Variants in SULT2B1 observed in about 807,000 individuals in gnomAD.
SULT2B1 encodes sulfotransferase family 2B member 1.
In SULT2B1, 16 loss-of-function variants were observed where a neutral mutation model predicts 33.2. The ratio of observed to expected loss-of-function variants is 0.48; its 90% CI spans 0.33 to 0.73. SULT2B1 has a LOEUF of 0.73. SULT2B1 is among the 30% of genes least tolerant of loss of function. SULT2B1 has a pLI of 0.02. For synonymous variants in SULT2B1, 186 were observed against 200.5 expected (o/e 0.93, Z 0.61); for missense variants, 500 against 506.0 (o/e 0.99, Z 0.11).
intron 6 of SULT2B1, among the ~76,000 whole-genome samples, chr19:48,598,493 G>A (rs1973752528): frequency 1.3e-5 from 2 of 152,120 alleles, no homozygotes; most frequent in Non-Finnish European, 2.9e-5. Context: ...TCGGGAGGCT[G>A]AGGCAGGAGA....
chr19:48,560,115 G>A (rs1973157394), intron 1 of SULT2B1, among the ~76,000 whole-genome samples: 2 of 152,268 alleles, frequency 1.3e-5, no homozygotes, highest in South Asian at 2.1e-4. Context: ...AATGACCGGG[G>A]AAGGGCCTGA....
chr19:48,575,462 A>AG (rs1323993844), intron 1 of SULT2B1: 1 of 54,370 alleles, frequency 1.8e-5, no homozygotes, highest in South Asian at 6.1e-4. Flanking sequence ...TTAAAATTAA[A>AG]AATATATATA....
chr19:48,585,377 G>A (rs374950574), intron 2 of SULT2B1, among the ~76,000 whole-genome samples: 2 of 151,854 alleles, frequency 1.3e-5, no homozygotes, highest in East Asian at 3.9e-4. Context: ...AAATAAAGAG[G>A]TGAACCTCAG....
chr19:48,599,188 G>A lies in SULT2B1; in HGVS notation c.880G>A (p.Asp294Asn), dbSNP rs201648343. 6.9e-6 allele frequency: 11 copies of A among 1,602,694 alleles called. No homozygotes were observed. In the South Asian group the frequency reaches 7.8e-5, roughly 11 times the overall value. Residue 294 changes from aspartate to asparagine, a missense_variant, in exon 7 of 7, where the codon GAT becomes AAT. Coordinates refer to ENST00000201586, the MANE Select transcript of SULT2B1 (RefSeq NM_177973.2). The surrounding 1 kb of genome is among the most constrained non-coding windows in gnomAD (Gnocchi z 4.1). ...HFTVAQSEAF[D>N]RAYRKQMRGM... Reference sequence around the variant, plus strand: ...CACGGTGGCCCAGAGCGAAGCCTTCGATCGTGCCTACCGCAAGCAGATGCG... The same window carrying A: ...CACGGTGGCCCAGAGCGAAGCCTTCAATCGTGCCTACCGCAAGCAGATGCG...
At chr19:48,571,269 A>G (rs1045779306) in intron 1 of SULT2B1, among the ~76,000 whole-genome samples, 13 of 150,778 alleles carry the variant, frequency 8.6e-5, no homozygotes, top group African/African-American at 2.9e-4. Flanking sequence ...TGATCTCAGG[A>G]CACTGCAACC....
intron 3 of SULT2B1, among the ~76,000 whole-genome samples, chr19:48,588,748 G>A (rs1973602533): frequency 6.6e-6 from 1 of 151,986 alleles, no homozygotes; most frequent in Non-Finnish European, 1.5e-5. Flanking sequence ...GGCCCCCAGT[G>A]AGTAAAAACC....
chr19:48,592,155 T>C (rs1026796395), intron 4 of SULT2B1, among the ~76,000 whole-genome samples: 2 of 151,748 alleles, frequency 1.3e-5, no homozygotes, highest in African/African-American at 4.8e-5. Flanking sequence ...TAGCCGGGTG[T>C]GGTGGCGGTG....
chr19:48,579,613 T>C (rs7259869), intron 2 of SULT2B1, among the ~76,000 whole-genome samples: 3 of 51,508 alleles, frequency 5.8e-5, no homozygotes, highest in Non-Finnish European at 9.5e-5. Flanking sequence ...TTCTTTTTTT[T>C]TTTTTTTTTT....
intron 1 of SULT2B1, among the ~76,000 whole-genome samples, chr19:48,565,708 TAGA>T (rs1973235511): frequency 6.6e-6 from 1 of 152,010 alleles, no homozygotes; most frequent in Non-Finnish European, 1.5e-5. Flanking sequence ...TTTGTTTTAA[TAGA>T]AGTTTACCTA....
At chr19:48,565,994 C>A (rs1041833364) in intron 1 of SULT2B1, among the ~76,000 whole-genome samples, 1 of 151,388 alleles carries the variant, frequency 6.6e-6, no homozygotes, top group Non-Finnish European at 1.5e-5. Flanking sequence ...CTCACTGCAA[C>A]CTCCGCCTCC....
rs1378827891 is a variant in SULT2B1 at position 48,592,723 on chromosome 19, G to A, written c.552G>A (p.Val184=). Residue 184 remains valine (V), a splice_region_variant and synonymous_variant, in exon 5 of 7, where the codon GTG becomes GTA. Coordinates refer to ENST00000201586, the MANE Select transcript of SULT2B1 (RefSeq NM_177973.2). The stretch of plus-strand genomic sequence containing the variant: ...CCCCACTTGTCCCTCTGCCCACAGT[G>A]CAGTTTGGCTCCTGGTTCGACCACA... The part of the protein sequence containing the change: ...QFLRDFLKGE[V]QFGSWFDHIK... 2 of 1,591,352 alleles carry A rather than the reference G, an allele frequency of 1.3e-6. No homozygotes were observed. Among genetic ancestry groups the A allele is most frequent in the African/African-American group, 1.3e-5 (1 of 74,644 alleles).
intron 1 of SULT2B1, among the ~76,000 whole-genome samples, chr19:48,559,474 G>A (rs1211643404): frequency 1.3e-5 from 2 of 152,140 alleles, no homozygotes; most frequent in Non-Finnish European, 2.9e-5. Context: ...GGGTTCAAGC[G>A]ATTCTCCTGC....
At position 48,599,214 on chromosome 19, in the gene SULT2B1, G is replaced by T. The variant is rs1285706199; in HGVS notation, c.906G>T (p.Arg302=). The part of the protein sequence containing the change: ...AFDRAYRKQM[R]GMPTFPWDED... ...ATCGTGCCTACCGCAAGCAGATGCG[G>T]GGGATGCCGACCTTCCCCTGGGATG... Residue 302 remains arginine, a synonymous_variant, in exon 7 of 7, where the codon CGG becomes CGT. Coordinates refer to ENST00000201586, the MANE Select transcript of SULT2B1 (RefSeq NM_177973.2). The surrounding 1 kb of genome is among the most constrained non-coding windows in gnomAD (Gnocchi z 4.1). 1.2e-6 allele frequency: 2 copies of T among 1,607,062 alleles called. No homozygotes were observed. Among genetic ancestry groups the T allele is most frequent in the Admixed American group, 1.7e-5 (1 of 59,422 alleles).
chr19:48,594,177 C>T lies in SULT2B1; in HGVS notation c.645+1361C>T, dbSNP rs543717328. The stretch of plus-strand genomic sequence containing the variant: ...TCGGGAGGCTGAGGCAGGAGAATCG[C>T]TTGAACCTGGGAGCTGGAGGTTGCG... On this transcript the variant is annotated intron_variant, in intron 5 of 6. Transcript: ENST00000201586. 2.1e-3 allele frequency among the ~76,000 whole-genome samples: 326 copies of T among 152,114 alleles called. 2 individuals carry two copies. The highest frequency in any genetic ancestry group is 7.3e-3 in the African/African-American group (305 of 41,538).
intron 1 of SULT2B1, 63 bp from the exon 2 acceptor site, chr19:48,575,878 C>A: frequency 1.9e-6 from 3 of 1,565,688 alleles, no homozygotes; most frequent in Non-Finnish European, 2.6e-6. Context: ...GTGTCGCCAC[C>A]CTGAGAACTC....
chr19:48,554,613 GC>G (rs370283433), intron 1 of SULT2B1, among the ~76,000 whole-genome samples: 2 of 17,364 alleles, frequency 1.2e-4, no homozygotes, highest in East Asian at 1.6e-3. Flanking sequence ...CACCCACCCC[GC>G]CCCCCCAGCC....
intron 1 of SULT2B1, among the ~76,000 whole-genome samples, chr19:48,571,211 A>T (rs185641707): frequency 0.016 from 2,329 of 144,356 alleles, 29 homozygotes; most frequent in African/African-American, 0.056. Flanking sequence ...TTATTTATTT[A>T]TTTTGAGATG....
intron 2 of SULT2B1, among the ~76,000 whole-genome samples, chr19:48,586,747 G>T (rs991080485): frequency 1.3e-5 from 2 of 152,190 alleles, no homozygotes; most frequent in African/African-American, 2.4e-5. Flanking sequence ...CGAAAATGAG[G>T]TTAAGCAACC....
At chr19:48,594,337 C>G (rs1416078181) in intron 5 of SULT2B1, among the ~76,000 whole-genome samples, 1 of 152,262 alleles carries the variant, frequency 6.6e-6, no homozygotes, top group South Asian at 2.1e-4. Context: ...ATTTTATCGA[C>G]GAGGAAACTG....
Sources: gnomAD v4.1 joint callset for allele counts (sites outside exome capture counted in the v4.1 genomes callset) on GRCh38, gnomAD v4.1.1 for gene constraint, Gnocchi (gnomAD v3.1) non-coding constraint, MANE v1.5 for transcripts, NCBI Gene and HGNC (gene_info 2026-07-23, HGNC 2026-07-21) for gene names.